The following ST8SIA3 variants were observed in gnomAD, a reference collection of about 807,000 sequenced individuals.
ST8SIA3 encodes alpha-N-acetylneuraminate alpha-2,8-sialyltransferase ST8SIA3.
Under a neutral mutation model 34.5 loss-of-function variants are expected in ST8SIA3, and 17 were observed. The ratio of observed to expected loss-of-function variants is 0.49; its 90% CI spans 0.34 to 0.74. The LOEUF is 0.74. Ranked by LOEUF, ST8SIA3 falls within the 30% of genes least tolerant of loss-of-function variation. The pLI, the probability that ST8SIA3 is intolerant of heterozygous loss-of-function variation, is 0.01. For missense variants in ST8SIA3, 354 were observed against 467.8 expected (o/e 0.76, Z 2.24); for synonymous variants, 172 against 176.1 (o/e 0.98, Z 0.19).
chr18:57,366,867 A>G lies in ST8SIA3; in HGVS notation c.*6590A>G, dbSNP rs774264423. The G allele has an allele frequency of 1.3e-5, 2 of 152,228 alleles. No homozygotes were observed. Among genetic ancestry groups the G allele is most frequent in the African/African-American group, 4.8e-5 (2 of 41,448 alleles). The allele number at this position is 152,228 out of a possible 1,614,324, so 9.4% of individuals were successfully genotyped here. On this transcript the variant is annotated 3_prime_UTR_variant, in exon 4 of 4. Coordinates refer to ENST00000324000, the MANE Select transcript of ST8SIA3 (RefSeq NM_015879.3). Reference sequence around the variant, plus strand: ...GCTGGACCATGAAAAACAAAAATCTACTAATACACATTTGGCCCCTGCAGT... The same window carrying G: ...GCTGGACCATGAAAAACAAAAATCTGCTAATACACATTTGGCCCCTGCAGT...
rs546861703 is a variant in ST8SIA3 at position 57,360,332 on chromosome 18, T to C, written c.*55T>C. ...GTTTAAAAAGTGCCCCAAATCAAAT[T>C]GAATAGCCTTCAGAATAGAACCCTA... On this transcript the variant is annotated 3_prime_UTR_variant, in exon 4 of 4. Coordinates refer to ENST00000324000, the MANE Select transcript of ST8SIA3 (RefSeq NM_015879.3). The C allele has an allele frequency of 2.0e-6, 3 of 1,523,082 alleles. No individual in the cohort carries two copies. Among genetic ancestry groups the C allele is most frequent in the Non-Finnish European group, 2.7e-6 (3 of 1,116,568 alleles). 94.3% of individuals were successfully genotyped at this position (1,523,082 alleles called of 1,614,324 possible). A position where few individuals can be genotyped will look rare whatever the true frequency, so the allele number is the denominator to read the frequency against.
At position 57,356,987 on chromosome 18, in the gene ST8SIA3, T is replaced by A; in HGVS notation, c.377T>A (p.Leu126Gln). Residue 126 changes from leucine (L) to glutamine (Q), a missense_variant, in exon 3 of 4, where the codon CTG becomes CAG. Leu to Gln is a moderately radical substitution (Grantham distance 113). Transcript: ENST00000324000. ...LTKNSVRIGQ[L>Q]MHYDYSSHKY... The stretch of plus-strand genomic sequence containing the variant: ...AAGAATAGTGTTCGGATTGGACAAC[T>A]GATGCACTATGATTATTCCAGCCAT... The A allele has an allele frequency of 2.5e-6, 4 of 1,614,040 alleles. No homozygotes were observed. In the South Asian group the frequency reaches 4.4e-5, roughly 18 times the overall value.
In ST8SIA3 at chr18:57,362,169, A is replaced by T. The variant is rs1420408756; in HGVS notation, c.*1892A>T. ...TTTTGTAATTCAGTGGTATAATTTG[A>T]TGGGTATCACAACCACACCGTGTTT... On this transcript the variant is annotated 3_prime_UTR_variant, in exon 4 of 4. Transcript: ENST00000324000. The T allele has an allele frequency of 8.5e-5, 13 of 152,218 alleles. No individual in the cohort carries two copies. Among genetic ancestry groups the T allele is most frequent in the Admixed American group, 7.9e-4 (12 of 15,278 alleles). 9.4% of individuals were successfully genotyped at this position (152,218 alleles called of 1,614,324 possible).
rs1355175871 is a variant in ST8SIA3 at position 57,352,569 on chromosome 18, C to T, written c.-278C>T. 4 of 420,642 alleles carry T rather than the reference C, an allele frequency of 9.5e-6. No individual in the cohort carries two copies. Among genetic ancestry groups the T allele is most frequent in the East Asian group, 5.9e-5 (1 of 16,852 alleles). The allele number at this position is 420,642 out of a possible 1,614,324, so 26.1% of individuals were successfully genotyped here. A position where few individuals can be genotyped will look rare whatever the true frequency, so the allele number is the denominator to read the frequency against. ...GGCGCTGCGCGCTCCTTCGCCACGC[C>T]GCCGCGCAGCCCCTCCATCTTCCTG... On this transcript the variant is annotated 5_prime_UTR_variant, in exon 1 of 4. Coordinates refer to ENST00000324000, the MANE Select transcript of ST8SIA3 (RefSeq NM_015879.3).
rs1289274473 is a variant in ST8SIA3, at chr18:57,366,116, C to T, written c.*5839C>T. The T allele has an allele frequency of 6.6e-6, 1 of 152,180 alleles. No homozygotes were observed. The highest frequency in any genetic ancestry group is 2.4e-5 in the African/African-American group (1 of 41,450). 9.4% of individuals were successfully genotyped at this position (152,180 alleles called of 1,614,324 possible). On this transcript the variant is annotated 3_prime_UTR_variant, in exon 4 of 4. Coordinates refer to ENST00000324000, the MANE Select transcript of ST8SIA3 (RefSeq NM_015879.3). ...GAGCCAGTATAAGTTGGCTCCAATA[C>T]AGCATGAGCCAGCTCCAGCATAGCA...
At position 57,357,366 on chromosome 18, in the gene ST8SIA3, T is replaced by G; in HGVS notation, c.756T>G (p.Thr252=). 2 of 1,613,320 alleles carry G rather than the reference T, an allele frequency of 1.2e-6. No individual in the cohort carries two copies. The highest frequency in any genetic ancestry group is 1.7e-6 in the Non-Finnish European group (2 of 1,179,996). Residue 252 remains threonine (T), a synonymous_variant, in exon 3 of 4, where the codon ACT becomes ACG. Transcript: ENST00000324000. ...ILWIPAFFFH[T]SATVTRTLVD... ...GGATCCCTGCATTTTTCTTCCACAC[T>G]TCAGCAACTGTGACCAGGACATTAG...
Position 57,368,374 on chromosome 18 carries a change from A to T in ST8SIA3, c.*8097A>T, listed in dbSNP as rs1451179078. 2 of 152,228 alleles carry T rather than the reference A, an allele frequency of 1.3e-5. No homozygotes were observed. The highest frequency in any genetic ancestry group is 4.8e-5 in the African/African-American group (2 of 41,436). The allele number at this position is 152,228 out of a possible 1,614,324, so 9.4% of individuals were successfully genotyped here. On this transcript the variant is annotated 3_prime_UTR_variant, in exon 4 of 4. Coordinates refer to ENST00000324000, the MANE Select transcript of ST8SIA3 (RefSeq NM_015879.3). ...CCAAAAGGTCAAAAAGTAGAAGAAT[A>T]GCGAATGTAAGTTATTAAATAAATG... is the stretch of plus-strand genomic sequence containing the variant.
rs2049835181 is a variant in ST8SIA3, at chr18:57,362,166, T to C, written c.*1889T>C. On this transcript the variant is annotated 3_prime_UTR_variant, in exon 4 of 4. Coordinates refer to ENST00000324000, the MANE Select transcript of ST8SIA3 (RefSeq NM_015879.3). ...ACATTTTGTAATTCAGTGGTATAAT[T>C]TGATGGGTATCACAACCACACCGTG... is the stretch of plus-strand genomic sequence containing the variant. 1 of 152,228 alleles carries C rather than the reference T, an allele frequency of 6.6e-6. No individual in the cohort carries two copies. Among genetic ancestry groups the C allele is most frequent in the Non-Finnish European group, 1.5e-5 (1 of 68,048 alleles). The allele number at this position is 152,228 out of a possible 1,614,324, so 9.4% of individuals were successfully genotyped here.
At chr18:57,355,157 T>C (rs961269900) in intron 2 of ST8SIA3, among the ~76,000 whole-genome samples, 2 of 152,208 alleles carry the variant, frequency 1.3e-5, no homozygotes, top group African/African-American at 4.8e-5. Flanking sequence ...TTTATACACA[T>C]AAGATGGTTT....
In ST8SIA3 at chr18:57,352,972, C is replaced by G. The variant is rs979186049; in HGVS notation, c.126C>G (p.Pro42=). The change falls in exon 1 of 4, where the codon CCC becomes CCG. Residue 42 remains proline (P), a synonymous_variant. Coordinates refer to ENST00000324000, the MANE Select transcript of ST8SIA3 (RefSeq NM_015879.3). Reference sequence around the variant, plus strand: ...AAAAGGAGAACATCTTCACCACTCCCAAGTACGCCAGCCCGGGGGCGCCCC... The same window carrying G: ...AAAAGGAGAACATCTTCACCACTCCGAAGTACGCCAGCCCGGGGGCGCCCC... ...SLKKENIFTT[P]KYASPGAPRM... is the part of the protein sequence containing the mutation. The G allele has an allele frequency of 6.2e-7, 1 of 1,612,722 alleles. No individual in the cohort carries two copies. The highest frequency in any genetic ancestry group is 1.7e-5 in the Admixed American group (1 of 59,986).
chr18:57,360,481 CTTGA>C lies in ST8SIA3; in HGVS notation c.*210_*213del. ...ATGCATTGAAGCCACATGGTTTAGA[CTTGA>C]TTGATAAAGGGAATGTTGCATTTGG... is the stretch of plus-strand genomic sequence containing the variant. On this transcript the variant is annotated 3_prime_UTR_variant, in exon 4 of 4. Coordinates refer to ENST00000324000, the MANE Select transcript of ST8SIA3 (RefSeq NM_015879.3). The C allele has an allele frequency of 8.7e-6, 5 of 573,296 alleles. No homozygotes were observed. Among genetic ancestry groups the C allele is most frequent in the Non-Finnish European group, 1.5e-5 (5 of 327,292 alleles). 35.5% of individuals were successfully genotyped at this position (573,296 alleles called of 1,614,324 possible). A position where few individuals can be genotyped will look rare whatever the true frequency, so the allele number is the denominator to read the frequency against.
At position 57,354,894 on chromosome 18, in the gene ST8SIA3, G is replaced by T. The variant is rs1485069018; in HGVS notation, c.302+370G>T. 2.0e-5 allele frequency among the ~76,000 whole-genome samples: 3 copies of T among 147,940 alleles called. No individual in the cohort carries two copies. The East Asian group carries it at 5.9e-4, about 29-fold the overall frequency. Reference sequence around the variant, plus strand: ...ACAGACAAAAGGTTAGTTGCAAAAAGACCACCCAATGCATTTTCATTTCCT... The same window carrying T: ...ACAGACAAAAGGTTAGTTGCAAAAATACCACCCAATGCATTTTCATTTCCT... On this transcript the variant is annotated intron_variant, in intron 2 of 3. Transcript: ENST00000324000.
In ST8SIA3 at chr18:57,361,344, C is replaced by G. The variant is rs2049829277; in HGVS notation, c.*1067C>G. The G allele has an allele frequency of 6.6e-6, 1 of 152,342 alleles. No homozygotes were observed. Among genetic ancestry groups the G allele is most frequent in the African/African-American group, 2.4e-5 (1 of 41,458 alleles). The allele number at this position is 152,342 out of a possible 1,614,324, so 9.4% of individuals were successfully genotyped here. On this transcript the variant is annotated 3_prime_UTR_variant, in exon 4 of 4. Transcript: ENST00000324000. ...GTGGTAACCATGTTACCCATTCCAG[C>G]TGGGTTAAAGTGGAGGAGGATCTTG...
At position 57,364,944 on chromosome 18, in the gene ST8SIA3, C is replaced by A. The variant is rs1166006339; in HGVS notation, c.*4667C>A. The A allele has an allele frequency of 6.6e-6, 1 of 152,176 alleles. No homozygotes were observed. Among genetic ancestry groups the A allele is most frequent in the African/African-American group, 2.4e-5 (1 of 41,426 alleles). 9.4% of individuals were successfully genotyped at this position (152,176 alleles called of 1,614,324 possible). On this transcript the variant is annotated 3_prime_UTR_variant, in exon 4 of 4. Coordinates refer to ENST00000324000, the MANE Select transcript of ST8SIA3 (RefSeq NM_015879.3). The stretch of plus-strand genomic sequence containing the variant: ...TAGATGTTCCTCAGTGAAGCCTATT[C>A]TCTTGTTGTTGATGACAGTGGCATC...
rs1160443371 is a variant in ST8SIA3 at position 57,366,457 on chromosome 18, T to TA, written c.*6186dup. 6.6e-6 allele frequency: 1 copy of TA among 152,434 alleles called. No individual in the cohort carries two copies. The highest frequency in any genetic ancestry group is 1.5e-5 in the Non-Finnish European group (1 of 68,020). 9.4% of individuals were successfully genotyped at this position (152,434 alleles called of 1,614,324 possible). A position where few individuals can be genotyped will look rare whatever the true frequency, so the allele number is the denominator to read the frequency against. ...AAAACCATGTTTGGCTGATCTTTTTTAAAAAATCTATACCTATAGTTCATC... is the reference window on the plus strand; with the variant it reads ...AAAACCATGTTTGGCTGATCTTTTTTAAAAAAATCTATACCTATAGTTCATC... On this transcript the variant is annotated 3_prime_UTR_variant, in exon 4 of 4. Transcript: ENST00000324000.
Position 57,357,386 on chromosome 18 carries a change from C to T in ST8SIA3, c.776C>T (p.Thr259Ile). Residue 259 changes from threonine (T) to isoleucine (I), a missense_variant, in exon 3 of 4, where the codon ACA becomes ATA. Physicochemically the swap from Thr to Ile is moderately conservative, Grantham distance 89 (BLOSUM62 -1). Around this residue, in one of 3 missense-constraint regions of ST8SIA3, gnomAD observed 166 missense variants for 245.2 expected, o/e 0.68. Transcript: ENST00000324000. ...FFHTSATVTRTLVDFFVEHRG... is the reference protein window; with the variant it reads ...FFHTSATVTRILVDFFVEHRG... ...CACACTTCAGCAACTGTGACCAGGA[C>T]ATTAGTTGACTTTTTTGTTGAACAC... The T allele has an allele frequency of 5.0e-6, 8 of 1,613,074 alleles. No homozygotes were observed. The highest frequency in any genetic ancestry group is 1.1e-5 in the South Asian group (1 of 91,084).
chr18:57,366,596 A>T lies in ST8SIA3; in HGVS notation c.*6319A>T, dbSNP rs1191207070. Reference sequence around the variant, plus strand: ...GTGCCTGCAAAGGAGCAGGGGAAGAACAAGGCACCCAGTAAGCTCACTTGG... The same window carrying T: ...GTGCCTGCAAAGGAGCAGGGGAAGATCAAGGCACCCAGTAAGCTCACTTGG... On this transcript the variant is annotated 3_prime_UTR_variant, in exon 4 of 4. Coordinates refer to ENST00000324000, the MANE Select transcript of ST8SIA3 (RefSeq NM_015879.3). 1 of 152,262 alleles carries T rather than the reference A, an allele frequency of 6.6e-6. No homozygotes were observed. Among genetic ancestry groups the T allele is most frequent in the African/African-American group, 2.4e-5 (1 of 41,458 alleles). 9.4% of individuals were successfully genotyped at this position (152,262 alleles called of 1,614,324 possible).
At chr18:57,353,644 C>T (rs2049779822) in intron 1 of ST8SIA3, among the ~76,000 whole-genome samples, 1 of 152,162 alleles carries the variant, frequency 6.6e-6, no homozygotes. Flanking sequence ...AAGCGAGCCT[C>T]GGAAGGGCCG....
At position 57,357,192 on chromosome 18, in the gene ST8SIA3, G is replaced by A. The variant is rs367988280; in HGVS notation, c.582G>A (p.Thr194=). The A allele has an allele frequency of 4.3e-6, 7 of 1,614,000 alleles. No individual in the cohort carries two copies. The African/African-American group carries it at 5.3e-5, about 12-fold the overall frequency. Reference sequence around the variant, plus strand: ...TTTTCCGTTGCAATTTCGCCCCTACGGAGGCTTTCCAAAGAGATGTTGGAA... The same window carrying A: ...TTTTCCGTTGCAATTTCGCCCCTACAGAGGCTTTCCAAAGAGATGTTGGAA... ...DFVFRCNFAP[T]EAFQRDVGRK... The change falls in exon 3 of 4, where the codon ACG becomes ACA. Residue 194 remains threonine, a synonymous_variant. Coordinates refer to ENST00000324000, the MANE Select transcript of ST8SIA3 (RefSeq NM_015879.3).
Sources: gnomAD v4.1 joint callset for allele counts (sites outside exome capture counted in the v4.1 genomes callset) on GRCh38, gnomAD v4.1.1 for gene constraint, gnomAD v4.1.1 regional missense constraint, MANE v1.5 for transcripts, NCBI Gene and HGNC (gene_info 2026-07-23, HGNC 2026-07-21) for gene names.